The following PFKFB4 variants were observed in gnomAD, a reference collection of about 807,000 sequenced individuals.
The protein encoded by PFKFB4 is 6-phosphofructo-2-kinase/fructose-2,6-biphosphatase 4, also known as 6-phosphofructo-2-kinase/fructose-2,6-bisphosphatase 4.
PFKFB4 carries 42 observed loss-of-function variants against 62.8 expected under a neutral mutation model. The ratio of observed to expected loss-of-function variants is 0.67; its 90% CI spans 0.52 to 0.86. PFKFB4 has a LOEUF of 0.86. Among genes scored for constraint, PFKFB4 ranks in the 40% least tolerant of loss-of-function variants. The pLI is 0.00. For missense variants in PFKFB4, 475 were observed against 627.2 expected, an observed-to-expected ratio of 0.76 and a Z score of 2.59; for synonymous variants, 204 against 240.7, an observed-to-expected ratio of 0.85 and a Z score of 1.41.
At chr3:48,522,205 C>A (rs2042118592) in intron 12 of PFKFB4, among the ~76,000 whole-genome samples, 155 bp from the exon 13 acceptor site, 1 of 152,158 alleles carries the variant, frequency 6.6e-6, no homozygotes, top group South Asian at 2.1e-4. Context: ...CTCTGGGGAG[C>A]CCCGGGAGGA....
chr3:48,527,038 G>A (rs1437163429), intron 9 of PFKFB4, among the ~76,000 whole-genome samples: 3 of 151,938 alleles, frequency 2.0e-5, no homozygotes, highest in Admixed American at 1.3e-4. Flanking sequence ...GGATTGGAGT[G>A]ATGAGGCTAT....
Position 48,536,390 on chromosome 3 carries a change from T to G in PFKFB4, c.706A>C (p.Ser236Arg). The change falls in exon 8 of 14, where the codon AGC (serine) becomes CGC (arginine). Residue 236 changes from serine to arginine, a missense_variant. Physicochemically the swap from Ser to Arg is moderately radical, Grantham distance 110 (BLOSUM62 -1). Coordinates refer to ENST00000232375, the MANE Select transcript of PFKFB4 (RefSeq NM_004567.4). ...TTCATGAGGTAATATACGATGCGGC[T>G]CTGGATGTGGTCAGCCACACGGTTC... ...VVNRVADHIQ[S>R]RIVYYLMNIH... 6.2e-7 allele frequency: 1 copy of G among 1,614,212 alleles called. No individual in the cohort carries two copies. Among genetic ancestry groups the G allele is most frequent in the South Asian group, 1.1e-5 (1 of 91,082 alleles).
chr3:48,561,006 G>A (rs1263403725), upstream of PFKFB4: 1 of 1,124,806 alleles, frequency 8.9e-7, no homozygotes, highest in Non-Finnish European at 1.2e-6. This position sits in a 1 kb window ranked among gnomAD's most constrained non-coding sequence, Gnocchi z 5.2. Context: ...ACTTCATCCA[G>A]GTCTTTCCCT....
chr3:48,539,625 C>T (rs891821259), intron 5 of PFKFB4, 72 bp downstream of exon 5: 10 of 1,243,808 alleles, frequency 8.0e-6, no homozygotes, highest in African/African-American at 7.4e-5. Context: ...CATAAGCAGG[C>T]GGTGAAAGGA....
At chr3:48,532,808 T>C (rs536846908) in intron 9 of PFKFB4, among the ~76,000 whole-genome samples, 43 of 152,296 alleles carry the variant, frequency 2.8e-4, no homozygotes, top group African/African-American at 9.4e-4. Context: ...CATTGCACTG[T>C]AGCCTGGGTG....
chr3:48,525,587 C>A lies in PFKFB4; in HGVS notation c.1070G>T (p.Arg357Leu). 6 of 1,599,894 alleles carry A rather than the reference C, an allele frequency of 3.8e-6. No individual in the cohort carries two copies. The highest frequency in any genetic ancestry group is 4.3e-6 in the Non-Finnish European group (5 of 1,171,162). ...EFALRDQDKY[R>L]YRYPKGESYE... ...TACCTCCCCTTTAGGGTACCGGTAC[C>A]GGTACTTGTCCTGGTCCCGCAGGGC... Residue 357 changes from arginine (R) to leucine (L), a missense_variant, in exon 10 of 14, where the codon CGG becomes CTG. Arg to Leu is a moderately radical substitution (Grantham distance 102). Transcript: ENST00000232375.
chr3:48,541,084 TA>T (rs2042784119), intron 4 of PFKFB4, among the ~76,000 whole-genome samples: 1 of 142,284 alleles, frequency 7.0e-6, no homozygotes, highest in Non-Finnish European at 1.5e-5. Context: ...CACATCTGGC[TA>T]ATTTTTTTTT....
chr3:48,558,613 C>T (rs576418864), upstream of PFKFB4, among the ~76,000 whole-genome samples: 19 of 152,360 alleles, frequency 1.2e-4, no homozygotes, highest in South Asian at 1.0e-3. Context: ...ACTGAAGATT[C>T]CAAAGGTCCA....
chr3:48,530,720 G>C (rs1271716695), intron 9 of PFKFB4, among the ~76,000 whole-genome samples: 2 of 152,014 alleles, frequency 1.3e-5, no homozygotes, highest in African/African-American at 2.4e-5. Flanking sequence ...CTTTTCTTTT[G>C]TTTTTGAGAC....
Position 48,525,549 on chromosome 3 carries a change from C to A in PFKFB4, c.1092+16G>T, listed in dbSNP as rs1191329786. 1 of 1,473,426 alleles carries A rather than the reference C, an allele frequency of 6.8e-7. No homozygotes were observed. The highest frequency in any genetic ancestry group is 2.4e-5 in the East Asian group (1 of 41,330). 91.3% of individuals were successfully genotyped at this position (1,473,426 alleles called of 1,614,324 possible). A position where few individuals can be genotyped will look rare whatever the true frequency, so the allele number is the denominator to read the frequency against. ...GGGCAGTAGGTGGCTGGGACTAAGC[C>A]CCAAATCCCACCTACCTCCCCTTTA... is the stretch of plus-strand genomic sequence containing the variant. On this transcript the variant is annotated intron_variant, in intron 10 of 13. Transcript: ENST00000232375.
intron 13 of PFKFB4, among the ~76,000 whole-genome samples, 182 bp from the exon 14 acceptor site, chr3:48,519,988 CG>C (rs1170011408): frequency 6.6e-6 from 1 of 152,150 alleles, no homozygotes; most frequent in East Asian, 1.9e-4. Flanking sequence ...TGCCACATAG[CG>C]GGTGGATGGA....
chr3:48,555,797 G>C (rs571374833), intron 1 of PFKFB4, among the ~76,000 whole-genome samples: 5 of 152,042 alleles, frequency 3.3e-5, no homozygotes, highest in Non-Finnish European at 5.9e-5. Context: ...CCAGCTAATC[G>C]GGAGGTTGAG....
intron 2 of PFKFB4, 23 bp downstream of exon 2, chr3:48,550,095 A>G (rs745775810): frequency 1.1e-5 from 17 of 1,549,104 alleles, no homozygotes; most frequent in Middle Eastern, 3.3e-4. Flanking sequence ...AGCTCCCCTT[A>G]GACAGCTGGG....
At chr3:48,536,980 G>A (rs2042641049) in intron 7 of PFKFB4, among the ~76,000 whole-genome samples, 3 of 152,200 alleles carry the variant, frequency 2.0e-5, no homozygotes, top group African/African-American at 7.2e-5. Context: ...GGTCATCCAA[G>A]TGTGCTGAGC....
chr3:48,559,362 C>A, upstream of PFKFB4: 1 of 374,000 alleles, frequency 2.7e-6, no homozygotes, highest in South Asian at 1.9e-5. Context: ...CCCTGTTTGT[C>A]AGGTGGGAAA....
At position 48,537,416 on chromosome 3, in the gene PFKFB4, G is replaced by A. The variant is rs373206888; in HGVS notation, c.633-953C>T. ...GGCAGGTGCCATTCAGCTCAGGCCCGGCCTGGGCTGGCTCTAGAACCCAGC... is the reference window on the plus strand; with the variant it reads ...GGCAGGTGCCATTCAGCTCAGGCCCAGCCTGGGCTGGCTCTAGAACCCAGC... On this transcript the variant is annotated intron_variant, in intron 7 of 13. Transcript: ENST00000232375. Among the ~76,000 whole-genome samples the A allele has an allele frequency of 7.2e-5, 11 of 152,136 alleles. 1 individual carries two copies. Among genetic ancestry groups the A allele is most frequent in the African/African-American group, 1.9e-4 (8 of 41,486 alleles).
At chr3:48,530,387 A>G (rs2042394040) in intron 9 of PFKFB4, among the ~76,000 whole-genome samples, 1 of 152,256 alleles carries the variant, frequency 6.6e-6, no homozygotes, top group Non-Finnish European at 1.5e-5. Flanking sequence ...ACAGAAGGTC[A>G]AAAATTATTT....
intron 4 of PFKFB4, among the ~76,000 whole-genome samples, chr3:48,540,347 G>A (rs1301268536): frequency 6.6e-6 from 1 of 152,188 alleles, no homozygotes; most frequent in Non-Finnish European, 1.5e-5. Context: ...CACCTGTGCA[G>A]GACCAGAGCA....
intron 9 of PFKFB4, among the ~76,000 whole-genome samples, chr3:48,527,713 G>C (rs1032905254): frequency 2.1e-5 from 3 of 145,738 alleles, no homozygotes; most frequent in Non-Finnish European, 4.5e-5. Context: ...TTTGAGACAG[G>C]GTCTCACTCT....
Sources: gnomAD v4.1 joint callset for allele counts (sites outside exome capture counted in the v4.1 genomes callset) on GRCh38, gnomAD v4.1.1 for gene constraint, Gnocchi (gnomAD v3.1) non-coding constraint, MANE v1.5 for transcripts, NCBI Gene and HGNC (gene_info 2026-07-23, HGNC 2026-07-21) for gene names.